Variants in FGD3 observed in about 807,000 individuals in gnomAD.
The protein encoded by FGD3 is FYVE, RhoGEF and PH domain-containing protein 3.
A neutral mutation model predicts 71.8 loss-of-function variants in FGD3; 45 were observed. The observed-to-expected ratio is 0.63, with a 90% confidence interval of 0.49 to 0.80. The LOEUF is 0.80. Among genes scored for constraint, FGD3 ranks in the 30% least tolerant of loss-of-function variants. FGD3 has a pLI of 0.00. For missense variants in FGD3, 844 were observed against 951.5 expected (o/e 0.89, Z 1.49); for synonymous variants, 378 against 392.8 (o/e 0.96, Z 0.44).
intron 9 of FGD3, among the ~76,000 whole-genome samples, chr9:93,015,369 G>A (rs1861631675): frequency 6.6e-6 from 1 of 152,078 alleles, no homozygotes; most frequent in African/African-American, 2.4e-5. Context: ...GGCAGGAGAA[G>A]CTCTTAAACA....
intron 14 of FGD3, 69 bp downstream of exon 14, chr9:93,022,458 A>G (rs1051966333): frequency 8.5e-5 from 129 of 1,523,748 alleles, no homozygotes; most frequent in Non-Finnish European, 9.6e-5. Context: ...AGGATGACCT[A>G]TAGGGAAGAT....
At chr9:93,026,278 G>T (rs1326053526) in intron 14 of FGD3, among the ~76,000 whole-genome samples, 2 of 152,168 alleles carry the variant, frequency 1.3e-5, no homozygotes, top group Non-Finnish European at 2.9e-5. Flanking sequence ...CCATGTTCCT[G>T]GAGAGACTTG....
intron 10 of FGD3, among the ~76,000 whole-genome samples, chr9:93,017,593 G>A (rs1470679127): frequency 6.6e-6 from 1 of 152,118 alleles, no homozygotes; most frequent in African/African-American, 2.4e-5. Context: ...ATCTGTGGCT[G>A]CGGTTCTATG....
In FGD3 at chr9:93,034,624, G is replaced by T. The variant is rs116496123; in HGVS notation, c.1869G>T (p.Val623=). 3,518 of 1,613,468 alleles carry T rather than the reference G, an allele frequency of 2.2e-3. 71 individuals are homozygous for T. The African/African-American group carries it at 0.04, about 18-fold the overall frequency. The change falls in exon 17 of 18, where the codon GTG becomes GTT. Residue 623 remains valine (V), a synonymous_variant. Coordinates refer to ENST00000375482, the MANE Select transcript of FGD3 (RefSeq NM_001083536.2). ...AGAGCGGTGAGACCTGGAGCGAGGT[G>T]TGGGCCGCCATCCCCATGTCAGATC... ...LSESGETWSE[V]WAAIPMSDPQ...
intron 1 of FGD3, chr9:92,974,479 A>G (rs1265904633): frequency 6.6e-6 from 1 of 152,280 alleles, no homozygotes; most frequent in African/African-American, 2.4e-5. Context: ...GCCCCAAGAC[A>G]GTGAGCACTC....
At chr9:92,953,421 G>C (rs892100719) in intron 1 of FGD3, among the ~76,000 whole-genome samples, 1 of 152,192 alleles carries the variant, frequency 6.6e-6, no homozygotes, top group Non-Finnish European at 1.5e-5. Flanking sequence ...GTTTGAAGCT[G>C]GGCTTGCCTC....
chr9:93,011,074 T>C (rs1000158829), intron 7 of FGD3, 140 bp from the exon 8 acceptor site: 3 of 853,300 alleles, frequency 3.5e-6, no homozygotes, highest in African/African-American at 3.3e-5. Flanking sequence ...GGGCCAGTCC[T>C]CTAGAGTAGC....
At chr9:92,993,181 A>G (rs1305866435) in intron 3 of FGD3, among the ~76,000 whole-genome samples, 1 of 152,062 alleles carries the variant, frequency 6.6e-6, no homozygotes, top group Non-Finnish European at 1.5e-5. Flanking sequence ...GTTGCCCAGG[A>G]TAGCCTCAAA....
At chr9:92,954,620 C>A (rs1050934387) in intron 1 of FGD3, among the ~76,000 whole-genome samples, 3 of 152,226 alleles carry the variant, frequency 2.0e-5, no homozygotes, top group African/African-American at 7.2e-5. Context: ...CAGGGGCCAT[C>A]TCCCAAGGAT....
intron 14 of FGD3, among the ~76,000 whole-genome samples, chr9:93,028,995 GTTTTTTTTTTTTTTTTTTTTT>G (rs869235976): frequency 1.7e-3 from 89 of 51,750 alleles, no homozygotes; most frequent in Non-Finnish European, 2.5e-3. Flanking sequence ...TGTCCTCACA[GTTTTTTTTTTTTTTTTTTTTT>G]TTTTTTTTTT....
rs535455882 is a variant in FGD3 at position 92,962,916 on chromosome 9, G to A, written c.-217-12322G>A. ...CTTTGCGCCACTGCACTCCAGCCTG[G>A]GCAACAGAGTGAGGCTCCGTCTCAA... On this transcript the variant is annotated intron_variant, in intron 1 of 17. Transcript: ENST00000375482. Among the ~76,000 whole-genome samples the A allele has an allele frequency of 6.7e-5, 10 of 150,300 alleles. No individual in the cohort carries two copies. In the South Asian group the frequency reaches 2.1e-3, roughly 32 times the overall value.
intron 14 of FGD3, among the ~76,000 whole-genome samples, chr9:93,028,111 G>T (rs1209895744): frequency 6.6e-6 from 1 of 151,732 alleles, no homozygotes; most frequent in South Asian, 2.1e-4. Flanking sequence ...ACCCATACAA[G>T]TGGGGATAAC....
intron 6 of FGD3, among the ~76,000 whole-genome samples, chr9:93,009,192 G>A (rs568607532): frequency 2.4e-4 from 36 of 152,162 alleles, no homozygotes; most frequent in Non-Finnish European, 4.4e-4. Flanking sequence ...GAACCTGGGA[G>A]GCGGAGGTTG....
rs183309305 is a variant in FGD3, at chr9:92,989,726, G to A, written c.453+13017G>A. ...GTATTCATCTGGTTCTCAGTAAATC[G>A]GCACTTTACATAAGATGAGGTAAAC... On this transcript the variant is annotated intron_variant, in intron 3 of 17. Coordinates refer to ENST00000375482, the MANE Select transcript of FGD3 (RefSeq NM_001083536.2). 8.5e-4 allele frequency among the ~76,000 whole-genome samples: 130 copies of A among 152,230 alleles called. 3 individuals carry two copies. In the East Asian group the frequency reaches 0.018, roughly 21 times the overall value.
At chr9:93,013,035 G>A (rs1861499690) in intron 8 of FGD3, among the ~76,000 whole-genome samples, 1 of 151,930 alleles carries the variant, frequency 6.6e-6, no homozygotes, top group Non-Finnish European at 1.5e-5. Flanking sequence ...CCCAGTAGTG[G>A]GCAGGTGCAC....
At position 93,013,210 on chromosome 9, in the gene FGD3, G is replaced by A. The variant is rs78781124; in HGVS notation, c.1036-642G>A. Reference sequence around the variant, plus strand: ...ACCTACCTGCATTGGTGCCAGAGACGGAAGGGTCAGCCAAACCCAGCCGCC... The same window carrying A: ...ACCTACCTGCATTGGTGCCAGAGACAGAAGGGTCAGCCAAACCCAGCCGCC... On this transcript the variant is annotated intron_variant, in intron 8 of 17. Transcript: ENST00000375482. Among the ~76,000 whole-genome samples the A allele has an allele frequency of 7.5e-4, 115 of 152,340 alleles. 2 individuals are homozygous for A. The East Asian group carries it at 0.015, about 19-fold the overall frequency.
At chr9:92,966,813 A>T (rs1159197851) in intron 1 of FGD3, among the ~76,000 whole-genome samples, 1 of 152,264 alleles carries the variant, frequency 6.6e-6, no homozygotes, top group Non-Finnish European at 1.5e-5. Context: ...GGCCTGGTAC[A>T]GGGCCTTGCC....
In FGD3 at chr9:93,010,370, G is replaced by A. The variant is rs368560686; in HGVS notation, c.962G>A (p.Arg321Gln). 7.5e-6 allele frequency: 12 copies of A among 1,609,860 alleles called. No homozygotes were observed. Among genetic ancestry groups the A allele is most frequent in the Middle Eastern group, 1.7e-4 (1 of 6,056 alleles). ...LKRLPQDAPD[R>Q]KDAERSLELI... ...AGGCTCCCGCAGGACGCCCCAGACC[G>A]GAAGGATGCGGAGAGTGAGCTGGGG... The change falls in exon 7 of 18, where the codon CGG (arginine) becomes CAG (glutamine). Residue 321 changes from arginine to glutamine, a missense_variant. Transcript: ENST00000375482.
intron 1 of FGD3, among the ~76,000 whole-genome samples, chr9:92,953,368 G>C (rs545284416): frequency 6.6e-6 from 1 of 152,140 alleles, no homozygotes; most frequent in African/African-American, 2.4e-5. Context: ...CTGTAATTAC[G>C]TCTCCTGAGT....
Sources: gnomAD v4.1 joint callset for allele counts (sites outside exome capture counted in the v4.1 genomes callset) on GRCh38, gnomAD v4.1.1 for gene constraint, MANE v1.5 for transcripts, NCBI Gene and HGNC (gene_info 2026-07-23, HGNC 2026-07-21) for gene names.